The following LPAR1 variants were observed in gnomAD, a reference collection of about 807,000 sequenced individuals.
LPAR1 encodes the protein LPA receptor 1.
In LPAR1, 5 loss-of-function variants were observed where a neutral mutation model predicts 23.8. The ratio of observed to expected loss-of-function variants is 0.21; its 90% CI spans 0.11 to 0.44. The LOEUF is 0.44. Among genes scored for constraint, LPAR1 ranks in the 20% least tolerant of loss-of-function variants. LPAR1 has a pLI of 0.99. For missense variants in LPAR1, 311 were observed against 482.8 expected (o/e 0.64, Z 3.33); for synonymous variants, 160 against 164.7 (o/e 0.97, Z 0.22).
chr9:111,024,424 T>C (rs2097641588), intron 2 of LPAR1, among the ~76,000 whole-genome samples: 2 of 147,684 alleles, frequency 1.4e-5, no homozygotes, highest in African/African-American at 4.9e-5. Context: ...TATATATTTA[T>C]ATATACATAT....
chr9:110,898,580 G>A (rs2087343251), intron 5 of LPAR1, among the ~76,000 whole-genome samples: 1 of 152,096 alleles, frequency 6.6e-6, no homozygotes, highest in Non-Finnish European at 1.5e-5. Context: ...GGGTCATCGG[G>A]TTTACAGCAC....
At chr9:111,034,142 G>T (rs2097850873) in intron 2 of LPAR1, among the ~76,000 whole-genome samples, 1 of 152,228 alleles carries the variant, frequency 6.6e-6, no homozygotes, top group Non-Finnish European at 1.5e-5. Context: ...GAATTCTCAT[G>T]GTTATGTCAT....
At position 110,991,283 on chromosome 9, in the gene LPAR1, C is replaced by T. The variant is rs74519516; in HGVS notation, c.-181-17725G>A. Among the ~76,000 whole-genome samples, 770 of 152,298 alleles carry T rather than the reference C, an allele frequency of 5.1e-3. 42 individuals are homozygous for T. The East Asian group carries it at 0.13, about 26-fold the overall frequency. On this transcript the variant is annotated intron_variant, in intron 2 of 5. Transcript: ENST00000683809. ...CCCAAAGCCCCTGACTCTGTGACAA[C>T]GTGTAGCTCTCCAGAAACGTGCATT...
chr9:110,998,222 T>C (rs1203486100), intron 2 of LPAR1, among the ~76,000 whole-genome samples: 1 of 152,186 alleles, frequency 6.6e-6, no homozygotes, highest in Non-Finnish European at 1.5e-5. Context: ...TTTAAAATAA[T>C]ACATAATTCA....
chr9:110,956,313 A>T (rs1588524188), intron 4 of LPAR1, among the ~76,000 whole-genome samples: 2 of 152,222 alleles, frequency 1.3e-5, no homozygotes. Context: ...GGTGCAGCAA[A>T]CCACCATAGC....
chr9:111,031,202 T>C (rs1019832279), intron 2 of LPAR1, among the ~76,000 whole-genome samples: 1 of 151,560 alleles, frequency 6.6e-6, no homozygotes, highest in Non-Finnish European at 1.5e-5. Context: ...TATCCCTGAG[T>C]GACTTCAAGA....
intron 5 of LPAR1, among the ~76,000 whole-genome samples, chr9:110,892,371 T>C (rs952036261): frequency 2.0e-5 from 3 of 152,070 alleles, no homozygotes; most frequent in Admixed American, 6.5e-5. Flanking sequence ...CTGTAGAAAG[T>C]AGGTCATAGC....
intron 5 of LPAR1, among the ~76,000 whole-genome samples, chr9:110,878,391 C>T (rs919752893): frequency 5.9e-5 from 9 of 152,124 alleles, no homozygotes; most frequent in Non-Finnish European, 1.2e-4. Context: ...AGGTTCCTAA[C>T]CCACAATGAA....
At chr9:110,899,698 T>C (rs939230672) in intron 5 of LPAR1, among the ~76,000 whole-genome samples, 2 of 152,216 alleles carry the variant, frequency 1.3e-5, no homozygotes, top group African/African-American at 2.4e-5. Flanking sequence ...AGAATCAGCA[T>C]TTCTAACAGC....
At chr9:110,884,136 G>A (rs76413147) in intron 5 of LPAR1, among the ~76,000 whole-genome samples, 9,011 of 152,128 alleles carry the variant, frequency 0.059, 376 homozygotes, top group Non-Finnish European at 0.085. Context: ...TTACTTACTC[G>A]CCAAGCTTTG....
chr9:111,016,573 T>C (rs1050374243), intron 2 of LPAR1, among the ~76,000 whole-genome samples: 2 of 152,244 alleles, frequency 1.3e-5, no homozygotes, highest in Admixed American at 6.5e-5. Flanking sequence ...GGCTGATCTT[T>C]GTTCATGCTA....
chr9:110,942,712 G>C (rs1049318736), intron 4 of LPAR1, among the ~76,000 whole-genome samples: 1 of 152,144 alleles, frequency 6.6e-6, no homozygotes, highest in Middle Eastern at 3.2e-3. Context: ...TGCATCAAAG[G>C]TTTTTTGCCC....
intron 2 of LPAR1, among the ~76,000 whole-genome samples, chr9:111,002,457 T>G (rs2097145218): frequency 6.6e-6 from 1 of 152,180 alleles, no homozygotes. Flanking sequence ...AACAAGCATT[T>G]AATTTTAACA....
intron 2 of LPAR1, among the ~76,000 whole-genome samples, chr9:110,991,020 C>G (rs946143118): frequency 1.3e-5 from 2 of 151,972 alleles, no homozygotes; most frequent in Non-Finnish European, 2.9e-5. Context: ...TATCCATAAG[C>G]AAAAATATAA....
intron 2 of LPAR1, among the ~76,000 whole-genome samples, chr9:110,996,375 A>G (rs772489415): frequency 1.3e-5 from 2 of 152,158 alleles, no homozygotes; most frequent in African/African-American, 4.8e-5. Flanking sequence ...TGGCCAACAT[A>G]GCAAGATGCC....
intron 2 of LPAR1, among the ~76,000 whole-genome samples, chr9:110,992,284 T>G (rs1345849748): frequency 6.6e-6 from 1 of 151,890 alleles, no homozygotes; most frequent in Non-Finnish European, 1.5e-5. Context: ...AAAATGCAAA[T>G]TAAAACCACA....
At chr9:110,897,802 A>G (rs2086968832) in intron 5 of LPAR1, among the ~76,000 whole-genome samples, 1 of 141,774 alleles carries the variant, frequency 7.1e-6, no homozygotes, top group South Asian at 2.2e-4. Flanking sequence ...GACTAAAATA[A>G]GGCCTTTGAT....
At chr9:110,979,300 TAAAA>T (rs896498214) in intron 2 of LPAR1, among the ~76,000 whole-genome samples, 2 of 142,062 alleles carry the variant, frequency 1.4e-5, no homozygotes, top group African/African-American at 5.2e-5. Flanking sequence ...AATGTAGAGT[TAAAA>T]AAAAAAAAGT....
At chr9:110,982,648 A>C (rs1312480414) in intron 2 of LPAR1, among the ~76,000 whole-genome samples, 1 of 152,000 alleles carries the variant, frequency 6.6e-6, no homozygotes, top group Non-Finnish European at 1.5e-5. Context: ...AAATAAAAAA[A>C]TTTAAAAAGA....
Sources: allele counts gnomAD v4.1 joint callset (sites outside exome capture counted in the v4.1 genomes callset), GRCh38; gene constraint gnomAD v4.1.1; transcripts MANE v1.5; gene names NCBI Gene and HGNC (gene_info 2026-07-23, HGNC 2026-07-21).